Variants in NCBP1 observed in about 807,000 individuals in gnomAD.
NCBP1 encodes nuclear cap binding protein subunit 1, also known as nuclear cap-binding protein subunit 1.
NCBP1 carries 16 observed loss-of-function variants against 111.7 expected under a neutral mutation model. The observed-to-expected ratio is 0.14, with a 90% CI of 0.10 to 0.22. NCBP1 has a LOEUF of 0.22. Ranked by LOEUF, NCBP1 falls within the 10% of genes least tolerant of loss-of-function variation. The pLI is 1.00. For missense variants in NCBP1, 607 were observed against 957.5 expected (o/e 0.63, Z 4.83); for synonymous variants, 304 against 314.3 (o/e 0.97, Z 0.35).
rs910509649 is a variant in NCBP1, at chr9:97,669,071, C to G, written c.2145+97C>G. On this transcript the variant is annotated intron_variant, in intron 21 of 22. Coordinates refer to ENST00000375147, the MANE Select transcript of NCBP1 (RefSeq NM_002486.5). The stretch of plus-strand genomic sequence containing the variant: ...TATTTTTCATTGTAAAAGGAATACA[C>G]ATTCATTTATAGAAGAGATTAAAAA... The G allele has an allele frequency of 5.3e-6, 7 of 1,325,304 alleles. No homozygotes were observed. The African/African-American group carries it at 1.1e-4, about 20-fold the overall frequency. The allele number at this position is 1,325,304 out of a possible 1,614,324, so 82.1% of individuals were successfully genotyped here.
chr9:97,660,188 A>G (rs1276654735), intron 15 of NCBP1, among the ~76,000 whole-genome samples: 1 of 152,178 alleles, frequency 6.6e-6, no homozygotes, highest in African/African-American at 2.4e-5. Context: ...CAGGTGTAAT[A>G]TGACTGTCCT....
intron 15 of NCBP1, among the ~76,000 whole-genome samples, chr9:97,660,146 C>T (rs927448417): frequency 1.3e-5 from 2 of 152,186 alleles, no homozygotes; most frequent in Admixed American, 6.5e-5. Context: ...TGTTTTTCTT[C>T]GCCTTCTTTT....
intron 1 of NCBP1, among the ~76,000 whole-genome samples, chr9:97,637,105 A>G (rs1827064473): frequency 6.6e-6 from 1 of 152,164 alleles, no homozygotes; most frequent in African/African-American, 2.4e-5. Context: ...GTAGGAGATA[A>G]GATTAGAGAG....
intron 1 of NCBP1, among the ~76,000 whole-genome samples, chr9:97,636,508 ATT>A (rs1827032603): frequency 3.3e-5 from 1 of 30,500 alleles, no homozygotes; most frequent in Non-Finnish European, 1.3e-4. Flanking sequence ...ATATTTATAT[ATT>A]ATAAATTTAT....
At chr9:97,638,596 AACT>A (rs1183402406) in intron 1 of NCBP1, among the ~76,000 whole-genome samples, 1 of 152,148 alleles carries the variant, frequency 6.6e-6, no homozygotes, top group East Asian at 1.9e-4. Flanking sequence ...AACAAAAAAT[AACT>A]GCTCTCATTC....
chr9:97,646,999 A>G (rs1260388623), intron 6 of NCBP1, among the ~76,000 whole-genome samples: 1 of 146,052 alleles, frequency 6.8e-6, no homozygotes, highest in Non-Finnish European at 1.5e-5. Context: ...ACTTAACTCT[A>G]CTTCATTCTT....
At position 97,643,269 on chromosome 9, in the gene NCBP1, A is replaced by G. The variant is rs757022224; in HGVS notation, c.290A>G (p.Asn97Ser). The part of the protein sequence containing the change: ...TTLVGLLNAR[N>S]YNFGGEFVEA... ...TTAGTTGGACTACTGAATGCCAGGA[A>G]TTACAATTTTGGTGGAGAATTTGTA... Residue 97 changes from asparagine (N) to serine (S), a missense_variant, in exon 4 of 23, where the codon AAT becomes AGT. Transcript: ENST00000375147. 1 of 1,611,402 alleles carries G rather than the reference A, an allele frequency of 6.2e-7. No homozygotes were observed. The highest frequency in any genetic ancestry group is 8.5e-7 in the Non-Finnish European group (1 of 1,179,142).
chr9:97,639,565 A>T (rs1004035764), intron 1 of NCBP1, among the ~76,000 whole-genome samples: 8 of 152,120 alleles, frequency 5.3e-5, no homozygotes, highest in Non-Finnish European at 1.2e-4. Flanking sequence ...CATATATCCA[A>T]CTGCAGATTT....
At chr9:97,665,192 T>C (rs1204515334) in intron 19 of NCBP1, among the ~76,000 whole-genome samples, 1 of 152,232 alleles carries the variant, frequency 6.6e-6, no homozygotes, top group Non-Finnish European at 1.5e-5. Flanking sequence ...GTTAGGGTGA[T>C]AGGGTGTGAT....
At chr9:97,669,022 T>G (rs750757481) in intron 21 of NCBP1, 48 bp downstream of exon 21, 55 of 1,503,398 alleles carry the variant, frequency 3.7e-5, no homozygotes, top group Non-Finnish European at 4.6e-5. Context: ...AATACATTTC[T>G]TTAGTTTTAG....
At chr9:97,635,935 CT>C in intron 1 of NCBP1, 1 of 152,254 alleles carries the variant, frequency 6.6e-6, no homozygotes, top group East Asian at 1.9e-4. Flanking sequence ...AGAAAAATAA[CT>C]TTTGCTTTGG....
chr9:97,664,327 T>C lies in NCBP1; in HGVS notation c.1798-13T>C. ...TGTGTGTGTGATTTACTTGAATAAT[T>C]CTCTCATTGTAGATGATTGCTGTAC... On this transcript the variant is annotated splice_polypyrimidine_tract_variant and intron_variant, in intron 18 of 22. Coordinates refer to ENST00000375147, the MANE Select transcript of NCBP1 (RefSeq NM_002486.5). The C allele has an allele frequency of 6.5e-7, 1 of 1,531,542 alleles. No homozygotes were observed. The highest frequency in any genetic ancestry group is 2.3e-5 in the East Asian group (1 of 44,230). The allele number at this position is 1,531,542 out of a possible 1,614,324, so 94.9% of individuals were successfully genotyped here.
At position 97,640,657 on chromosome 9, in the gene NCBP1, T is replaced by C. The variant is rs1413155550; in HGVS notation, c.35-137T>C. ...GGTTAATCTAGCTTAGTCTGAGAAA[T>C]GGAGGGTCTGTGAAGAGCTTCTACT... On this transcript the variant is annotated intron_variant, in intron 1 of 22. Transcript: ENST00000375147. 2.1e-5 allele frequency: 13 copies of C among 617,952 alleles called. 1 individual carries two copies. The East Asian group carries it at 3.6e-4, about 17-fold the overall frequency. 38.3% of individuals were successfully genotyped at this position (617,952 alleles called of 1,614,324 possible).
At chr9:97,669,338 T>C (rs1828106647) in intron 21 of NCBP1, among the ~76,000 whole-genome samples, 1 of 152,218 alleles carries the variant, frequency 6.6e-6, no homozygotes, top group Admixed American at 6.5e-5. Flanking sequence ...TTAGAATAGA[T>C]TCCAGGAAGT....
intron 16 of NCBP1, among the ~76,000 whole-genome samples, chr9:97,661,788 G>C (rs1339109057): frequency 1.6e-5 from 2 of 127,558 alleles, no homozygotes; most frequent in South Asian, 4.7e-4. Flanking sequence ...AAGGAAACCT[G>C]TGTGATTTTT....
chr9:97,662,810 T>G (rs985909360), intron 17 of NCBP1, 144 bp from the exon 18 acceptor site: 2 of 605,498 alleles, frequency 3.3e-6, no homozygotes, highest in Admixed American at 3.3e-5. Flanking sequence ...TGATCACACT[T>G]TTTGCATCCT....
intron 1 of NCBP1, chr9:97,636,022 T>A (rs1400220264): frequency 1.3e-5 from 2 of 152,190 alleles, no homozygotes; most frequent in East Asian, 3.8e-4. Flanking sequence ...CACTGTCCAT[T>A]TGGGTCTTGC....
chr9:97,660,405 G>A (rs1011430382), intron 15 of NCBP1, among the ~76,000 whole-genome samples: 4 of 152,156 alleles, frequency 2.6e-5, no homozygotes, highest in African/African-American at 7.2e-5. Context: ...GTCCCATCAC[G>A]TGAGCATCTG....
intron 17 of NCBP1, among the ~76,000 whole-genome samples, 162 bp from the exon 18 acceptor site, chr9:97,662,792 T>C (rs930510791): frequency 3.9e-5 from 6 of 152,262 alleles, no homozygotes; most frequent in Admixed American, 2.6e-4. Flanking sequence ...TTAAAAACTA[T>C]CAATCTGTGA....
Sources: allele counts gnomAD v4.1 joint callset (sites outside exome capture counted in the v4.1 genomes callset), GRCh38; gene constraint gnomAD v4.1.1; transcripts MANE v1.5; gene names NCBI Gene and HGNC (gene_info 2026-07-23, HGNC 2026-07-21).